The following PRUNE2 variants were observed in gnomAD, a reference collection of about 807,000 sequenced individuals.
PRUNE2 encodes the protein protein prune homolog 2.
A neutral mutation model predicts 252.0 loss-of-function variants in PRUNE2; 164 were observed. The observed-to-expected ratio is 0.65, with a 90% CI of 0.57 to 0.74. The LOEUF is 0.74. Among genes scored for constraint, PRUNE2 ranks in the 30% least tolerant of loss-of-function variants. The pLI, the probability that PRUNE2 is intolerant of heterozygous loss-of-function variation, is 0.00. For synonymous variants in PRUNE2, 1,292 were observed against 1,350.2 expected, an observed-to-expected ratio of 0.96 and a Z score of 0.94; for missense variants, 3,495 against 3,711.0, an observed-to-expected ratio of 0.94 and a Z score of 1.51.
At chr9:76,659,051 T>C (rs575489921) in intron 9 of PRUNE2, among the ~76,000 whole-genome samples, 43 of 152,320 alleles carry the variant, frequency 2.8e-4, no homozygotes, top group Middle Eastern at 6.8e-3. Flanking sequence ...CACATCCTCT[T>C]CCCACATAGG....
intron 6 of PRUNE2, among the ~76,000 whole-genome samples, chr9:76,774,905 T>C (rs1324835103): frequency 2.0e-5 from 3 of 152,260 alleles, no homozygotes; most frequent in Non-Finnish European, 2.9e-5. Context: ...CAGCTATGAA[T>C]TACTTTTTGT....
At chr9:76,714,702 T>C (rs1227289460) in intron 6 of PRUNE2, among the ~76,000 whole-genome samples, 2 of 152,240 alleles carry the variant, frequency 1.3e-5, no homozygotes, top group Non-Finnish European at 2.9e-5. Context: ...GTCCGGTCTT[T>C]GAGTTTTATT....
At chr9:76,652,294 TG>T in intron 11 of PRUNE2, 188 bp downstream of exon 11, 1 of 583,472 alleles carries the variant, frequency 1.7e-6, no homozygotes, top group South Asian at 2.1e-5. Context: ...TGGTTATGTA[TG>T]GCCTCTGTGA....
At chr9:76,659,369 A>G (rs2133515769) in intron 9 of PRUNE2, among the ~76,000 whole-genome samples, 1 of 152,342 alleles carries the variant, frequency 6.6e-6, no homozygotes, top group Admixed American at 6.5e-5. Flanking sequence ...CTGGATTGCT[A>G]AAGCATCAAA....
intron 6 of PRUNE2, among the ~76,000 whole-genome samples, chr9:76,749,741 C>T (rs2050449183): frequency 6.6e-6 from 1 of 152,096 alleles, no homozygotes. Context: ...AAGTCAGTAC[C>T]CTCATTTGCC....
At chr9:76,676,935 G>A (rs2042695844) in intron 9 of PRUNE2, among the ~76,000 whole-genome samples, 1 of 152,182 alleles carries the variant, frequency 6.6e-6, no homozygotes, top group South Asian at 2.1e-4. Context: ...AGGTCCTGCT[G>A]TTCCCACTGT....
intron 6 of PRUNE2, among the ~76,000 whole-genome samples, chr9:76,733,913 A>G (rs1380451005): frequency 6.7e-6 from 1 of 150,306 alleles, no homozygotes; most frequent in Non-Finnish European, 1.5e-5. Context: ...CTGTTCCTTA[A>G]AAGTTTTAGT....
intron 15 of PRUNE2, among the ~76,000 whole-genome samples, chr9:76,632,021 T>C (rs1478680742): frequency 6.6e-6 from 1 of 152,248 alleles, no homozygotes; most frequent in East Asian, 1.9e-4. Context: ...GTATATGTAC[T>C]GCATTTGCTT....
At chr9:76,639,058 G>A (rs1841393800) in intron 12 of PRUNE2, among the ~76,000 whole-genome samples, 1 of 152,176 alleles carries the variant, frequency 6.6e-6, no homozygotes, top group South Asian at 2.1e-4. Flanking sequence ...CTCAAAGCTT[G>A]GAGGAAATCT....
chr9:76,781,953 G>A (rs1158749978), intron 6 of PRUNE2, among the ~76,000 whole-genome samples: 6 of 152,164 alleles, frequency 3.9e-5, no homozygotes, highest in Non-Finnish European at 7.4e-5. Context: ...GGTGGCTCAC[G>A]CCTGTAATCC....
intron 6 of PRUNE2, among the ~76,000 whole-genome samples, chr9:76,812,014 G>C (rs954541046): frequency 6.6e-6 from 1 of 152,212 alleles, no homozygotes; most frequent in Non-Finnish European, 1.5e-5. Flanking sequence ...AAAGGAAAGA[G>C]GGGAAGTGAT....
rs530976473 is a variant in PRUNE2, at chr9:76,865,769, C to T, written c.37-11561G>A. ...TCATTCCTGTCTCAACCTTAACAGG[C>T]TCTCATTTCTCTCCCTTCTTTCTCC... On this transcript the variant is annotated intron_variant, in intron 1 of 18. Transcript: ENST00000376718. Among the ~76,000 whole-genome samples the T allele has an allele frequency of 4.6e-5, 7 of 150,922 alleles. No homozygotes were observed. The South Asian group carries it at 8.4e-4, about 18-fold the overall frequency.
At chr9:76,682,085 G>A (rs947051493) in intron 9 of PRUNE2, among the ~76,000 whole-genome samples, 1 of 152,146 alleles carries the variant, frequency 6.6e-6, no homozygotes, top group African/African-American at 2.4e-5. Flanking sequence ...GCAGGAGACA[G>A]TGAAGGCGAT....
intron 4 of PRUNE2, among the ~76,000 whole-genome samples, chr9:76,837,907 G>A (rs1036274801): frequency 6.6e-6 from 1 of 151,398 alleles, no homozygotes; most frequent in African/African-American, 2.4e-5. Context: ...GAGTAGCTGG[G>A]ACTACAGGCG....
chr9:76,706,784 C>T lies in PRUNE2; in HGVS notation c.5490G>A (p.Trp1830Ter). 6.2e-7 allele frequency: 1 copy of T among 1,610,504 alleles called. No individual in the cohort carries two copies. The highest frequency in any genetic ancestry group is 8.5e-7 in the Non-Finnish European group (1 of 1,178,168). ...LGFSADSTEW[W>*]KASPQEGRLI... ...GTCTCCCTTCCTGGGGTGAGGCCTT[C>T]CACCACTCAGTGCTATCAGCTGAGA... The change falls in exon 8 of 19, where the codon TGG becomes TGA. Residue 1830 changes from tryptophan to a stop codon, truncating the protein, a stop_gained. Coordinates refer to ENST00000376718, the MANE Select transcript of PRUNE2 (RefSeq NM_015225.3). LOFTEE classifies it high-confidence loss of function.
rs140834995 is a variant in PRUNE2 at position 76,618,097 on chromosome 9, A to G, written c.9236+1243T>C. 5.9e-3 allele frequency among the ~76,000 whole-genome samples: 896 copies of G among 152,226 alleles called. 5 individuals carry two copies. The highest frequency in any genetic ancestry group is 0.01 in the Non-Finnish European group (704 of 68,004). ...GCTGTGTGATTTCAAAGGTCTCTCT[A>G]TGGTCTTTGTTCTTTTTTTAAAATT... On this transcript the variant is annotated intron_variant, in intron 18 of 18. Transcript: ENST00000376718.
chr9:76,812,103 C>T (rs1427569089), intron 6 of PRUNE2, among the ~76,000 whole-genome samples: 1 of 151,848 alleles, frequency 6.6e-6, no homozygotes, highest in Admixed American at 6.6e-5. Flanking sequence ...ATGGTGAAAG[C>T]TCGGGAGGAA....
chr9:76,655,980 G>A (rs1849054182), intron 9 of PRUNE2, among the ~76,000 whole-genome samples: 1 of 152,134 alleles, frequency 6.6e-6, no homozygotes, highest in Non-Finnish European at 1.5e-5. Context: ...ACTTCACCAC[G>A]TTGTTTAAAG....
intron 1 of PRUNE2, among the ~76,000 whole-genome samples, chr9:76,863,763 G>T (rs991512063): frequency 2.6e-5 from 4 of 152,152 alleles, no homozygotes; most frequent in Admixed American, 6.5e-5. Context: ...CTCTTGACTG[G>T]ACTGCATTTG....
Sources: gnomAD v4.1 joint callset for allele counts (sites outside exome capture counted in the v4.1 genomes callset) on GRCh38, gnomAD v4.1.1 for gene constraint, MANE v1.5 for transcripts, NCBI Gene and HGNC (gene_info 2026-07-23, HGNC 2026-07-21) for gene names.